The following PTPRA variants were observed in gnomAD, a reference collection of about 807,000 sequenced individuals.
PTPRA encodes protein tyrosine phosphatase receptor type A, also known as receptor-type tyrosine-protein phosphatase alpha.
In PTPRA, 25 loss-of-function variants were observed where a neutral mutation model predicts 104.8. The ratio of observed to expected loss-of-function variants is 0.24; its 90% CI spans 0.17 to 0.33. The LOEUF is 0.33. Among genes scored for constraint, PTPRA ranks in the 10% least tolerant of loss-of-function variants. PTPRA has a pLI of 1.00. For missense variants in PTPRA, 765 were observed against 1,015.3 expected (o/e 0.75, Z 3.35); for synonymous variants, 323 against 368.9 (o/e 0.88, Z 1.43).
intron 19 of PTPRA, 69 bp from the exon 20 acceptor site, chr20:3,027,638 G>T: frequency 6.4e-7 from 1 of 1,559,048 alleles, no homozygotes; most frequent in Non-Finnish European, 8.7e-7. Flanking sequence ...CCTTCTAGTG[G>T]TCTGTCTTCT....
chr20:2,865,038 A>G, the PTPRA span: 4 of 1,614,106 alleles, frequency 2.5e-6, no homozygotes, highest in Non-Finnish European at 3.4e-6. This position sits in a 1 kb window ranked among gnomAD's most constrained non-coding sequence, Gnocchi z 5.2. Context: ...CAAGGCCAAG[A>G]ATGAGTTTGC....
intron 10 of PTPRA, among the ~76,000 whole-genome samples, chr20:3,005,633 A>G (rs2063829734): frequency 6.6e-6 from 1 of 152,190 alleles, no homozygotes; most frequent in South Asian, 2.1e-4. Context: ...TTGGGCTGAA[A>G]GAGCCTTTAT....
chr20:2,886,332 G>A (rs963933921), intron 1 of PTPRA, among the ~76,000 whole-genome samples: 2 of 152,088 alleles, frequency 1.3e-5, no homozygotes, highest in African/African-American at 4.8e-5. Context: ...TTGATATCTG[G>A]AATTTGCTTT....
rs530602777 is a variant in PTPRA at position 2,997,989 on chromosome 20, C to G, written c.739-7067C>G. ...AAACAATTTTTTTTAATTAGCCAGGCGTGATGGCACATGCCTGTAGTTCTA... is the reference window on the plus strand; with the variant it reads ...AAACAATTTTTTTTAATTAGCCAGGGGTGATGGCACATGCCTGTAGTTCTA... On this transcript the variant is annotated intron_variant, in intron 9 of 23. Transcript: ENST00000399903. 5.6e-3 allele frequency among the ~76,000 whole-genome samples: 858 copies of G among 152,004 alleles called. 8 individuals carry two copies. The highest frequency in any genetic ancestry group is 0.019 in the African/African-American group (796 of 41,456).
At chr20:2,984,909 A>G (rs1490613317) in intron 6 of PTPRA, among the ~76,000 whole-genome samples, 1 of 152,196 alleles carries the variant, frequency 6.6e-6, no homozygotes, top group Admixed American at 6.5e-5. Context: ...AGACCACTGT[A>G]TCACTGCTCC....
intron 13 of PTPRA, among the ~76,000 whole-genome samples, chr20:3,020,372 A>AC (rs2064803219): frequency 6.6e-6 from 1 of 152,164 alleles, no homozygotes; most frequent in Non-Finnish European, 1.5e-5. Context: ...TGCTGGGATT[A>AC]TAGGCGTGAG....
intron 13 of PTPRA, among the ~76,000 whole-genome samples, chr20:3,018,638 A>C (rs914789274): frequency 6.6e-6 from 1 of 151,902 alleles, no homozygotes; most frequent in South Asian, 2.1e-4. Flanking sequence ...CCACACAGAC[A>C]CGGCAACCAT....
chr20:2,990,325 G>T (rs546658291), intron 9 of PTPRA, among the ~76,000 whole-genome samples: 1 of 152,284 alleles, frequency 6.6e-6, no homozygotes, highest in South Asian at 2.1e-4. Context: ...TTTCCCAAAA[G>T]CTTCTGGAGA....
At chr20:2,910,862 C>T (rs959882034) in intron 1 of PTPRA, among the ~76,000 whole-genome samples, 9 of 151,092 alleles carry the variant, frequency 6.0e-5, no homozygotes, top group Middle Eastern at 3.4e-3. Context: ...GCCTTGGCCT[C>T]CCAAAGTGCT....
At chr20:2,875,840 C>T (rs566023138) in intron 1 of PTPRA, among the ~76,000 whole-genome samples, 31 of 152,170 alleles carry the variant, frequency 2.0e-4, no homozygotes, top group Non-Finnish European at 3.7e-4. Context: ...GGAGCATCCC[C>T]TGCCTGGGTG....
intron 17 of PTPRA, among the ~76,000 whole-genome samples, chr20:3,025,055 C>T (rs950920496): frequency 6.6e-6 from 1 of 152,110 alleles, no homozygotes; most frequent in African/African-American, 2.4e-5. Context: ...CAGCAGGCAG[C>T]AGGCCAGATT....
At chr20:2,947,817 C>T (rs1042774234) in intron 2 of PTPRA, among the ~76,000 whole-genome samples, 165 bp from the exon 3 acceptor site, 1 of 152,076 alleles carries the variant, frequency 6.6e-6, no homozygotes, top group East Asian at 1.9e-4. Flanking sequence ...TGACTTGCAG[C>T]CTAATTTTTG....
At chr20:2,958,473 C>T (rs2061616457) in intron 3 of PTPRA, among the ~76,000 whole-genome samples, 2 of 151,698 alleles carry the variant, frequency 1.3e-5, no homozygotes, top group African/African-American at 2.4e-5. Context: ...GGAAACTGAG[C>T]CACTTACAGT....
chr20:3,027,776 C>G lies in PTPRA; in HGVS notation c.1855C>G (p.Arg619Gly). Reference sequence around the variant, plus strand: ...TCTCCACACAATTGAGGACTTCTGGCGAATGATCTGGGAGTGGAAATCCTG... The same window carrying G: ...TCTCCACACAATTGAGGACTTCTGGGGAATGATCTGGGAGTGGAAATCCTG... ...PLLHTIEDFW[R>G]MIWEWKSCSI... is the part of the protein sequence containing the mutation. Residue 619 changes from arginine to glycine, a missense_variant, in exon 20 of 24, where the codon CGA (arginine) becomes GGA (glycine). Arg to Gly is a moderately radical substitution (Grantham distance 125). Transcript: ENST00000399903. 1.2e-6 allele frequency: 2 copies of G among 1,614,052 alleles called. No individual in the cohort carries two copies. Among genetic ancestry groups the G allele is most frequent in the Non-Finnish European group, 1.7e-6 (2 of 1,180,024 alleles).
intron 5 of PTPRA, among the ~76,000 whole-genome samples, chr20:2,966,193 A>G (rs959889609): frequency 8.5e-5 from 13 of 152,186 alleles, no homozygotes; most frequent in African/African-American, 2.7e-4. Flanking sequence ...TTTCTACCGT[A>G]AAGACAAGAC....
At chr20:3,029,122 T>G (rs1484478119) in intron 20 of PTPRA, among the ~76,000 whole-genome samples, 8 of 135,430 alleles carry the variant, frequency 5.9e-5, no homozygotes, top group African/African-American at 9.0e-5. Context: ...CAGGATTTTT[T>G]TTTTTTTTTT....
intron 12 of PTPRA, among the ~76,000 whole-genome samples, chr20:3,017,338 T>C (rs1174823019): frequency 6.6e-6 from 1 of 152,196 alleles, no homozygotes; most frequent in Non-Finnish European, 1.5e-5. Context: ...CTCATTTTTG[T>C]TTAGAATTTT....
At chr20:2,906,150 A>G (rs908254668) in intron 1 of PTPRA, among the ~76,000 whole-genome samples, 56 of 152,372 alleles carry the variant, frequency 3.7e-4, no homozygotes, top group African/African-American at 1.3e-3. Flanking sequence ...CATTTGAAAC[A>G]TTAATTAGTA....
chr20:3,015,153 C>T (rs994076549), intron 11 of PTPRA, among the ~76,000 whole-genome samples: 7 of 152,192 alleles, frequency 4.6e-5, no homozygotes, highest in Non-Finnish European at 7.4e-5. Flanking sequence ...AACCCAGCTT[C>T]ATCCCTGGAA....
Sources: allele counts gnomAD v4.1 joint callset (sites outside exome capture counted in the v4.1 genomes callset), GRCh38; gene constraint gnomAD v4.1.1; non-coding constraint Gnocchi (gnomAD v3.1); transcripts MANE v1.5; gene names NCBI Gene and HGNC (gene_info 2026-07-23, HGNC 2026-07-21).